The following PARD3B variants were observed in gnomAD, a reference collection of about 807,000 sequenced individuals.
The protein encoded by PARD3B is partitioning defective 3 homolog B.
PARD3B carries 103 observed loss-of-function variants against 130.2 expected under a neutral mutation model. The observed-to-expected ratio is 0.79, with a 90% confidence interval of 0.67 to 0.93. The LOEUF is 0.93. Among genes scored for constraint, PARD3B ranks in the 40% least tolerant of loss-of-function variants. The probability of loss-of-function intolerance (pLI) is 0.00; values close to 1 mark genes in which losing one functional copy is unlikely to be tolerated. For synonymous variants in PARD3B, 583 were observed against 553.2 expected, an observed-to-expected ratio of 1.05 and a Z score of -0.76; for missense variants, 1,609 against 1,499.2, an observed-to-expected ratio of 1.07 and a Z score of -1.21.
chr2:205,485,537 A>G (rs904378416), intron 20 of PARD3B, among the ~76,000 whole-genome samples: 1 of 152,162 alleles, frequency 6.6e-6, no homozygotes, highest in African/African-American at 2.4e-5. Context: ...AGTTCCTTCC[A>G]TAGGTTGTGA....
chr2:205,237,107 G>A (rs1170882500), intron 15 of PARD3B, among the ~76,000 whole-genome samples: 1 of 152,082 alleles, frequency 6.6e-6, no homozygotes, highest in African/African-American at 2.4e-5. Flanking sequence ...TTGTTTGTTT[G>A]TTTGTTTTTG....
At chr2:205,350,392 T>C (rs2043955020) in intron 18 of PARD3B, among the ~76,000 whole-genome samples, 1 of 152,208 alleles carries the variant, frequency 6.6e-6, no homozygotes, top group Admixed American at 6.5e-5. Flanking sequence ...CAAAGGCAAC[T>C]TTCTCCTCTG....
At chr2:204,920,499 G>T (rs1384504378) in intron 2 of PARD3B, among the ~76,000 whole-genome samples, 1 of 152,164 alleles carries the variant, frequency 6.6e-6, no homozygotes, top group Non-Finnish European at 1.5e-5. Context: ...TAGGAAAGAA[G>T]ATCTCAATTG....
chr2:204,927,802 A>G (rs528348059), intron 2 of PARD3B, among the ~76,000 whole-genome samples: 5 of 152,128 alleles, frequency 3.3e-5, no homozygotes, highest in African/African-American at 9.6e-5. Context: ...TTAGCAGAGC[A>G]TTTAGATAGA....
chr2:204,960,080 G>A (rs1690611043), intron 2 of PARD3B, among the ~76,000 whole-genome samples: 1 of 152,104 alleles, frequency 6.6e-6, no homozygotes, highest in Non-Finnish European at 1.5e-5. Context: ...AAATTTTCAC[G>A]ACTTTGAAAA....
intron 18 of PARD3B, among the ~76,000 whole-genome samples, chr2:205,304,054 A>G (rs991200647): frequency 3.3e-5 from 5 of 152,176 alleles, no homozygotes; most frequent in East Asian, 1.9e-4. Flanking sequence ...TTTATTACCA[A>G]TTGTTCTCAT....
At chr2:205,185,389 T>A (rs1208377088) in intron 13 of PARD3B, among the ~76,000 whole-genome samples, 1 of 152,148 alleles carries the variant, frequency 6.6e-6, no homozygotes, top group African/African-American at 2.4e-5. Flanking sequence ...TAATCCAGAG[T>A]ATTCACTATA....
At chr2:205,042,195 A>G (rs1698438906) in intron 3 of PARD3B, among the ~76,000 whole-genome samples, 1 of 152,168 alleles carries the variant, frequency 6.6e-6, no homozygotes, top group African/African-American at 2.4e-5. Flanking sequence ...TTTAAAGGGG[A>G]CATGGATCAG....
chr2:204,584,457 G>GA (rs2032730326), intron 1 of PARD3B, among the ~76,000 whole-genome samples: 1 of 152,194 alleles, frequency 6.6e-6, no homozygotes, highest in East Asian at 1.9e-4. Flanking sequence ...GCTCATTTCT[G>GA]AAAAATGCAT....
chr2:204,791,151 A>C (rs2042188827), intron 2 of PARD3B, among the ~76,000 whole-genome samples: 1 of 152,108 alleles, frequency 6.6e-6, no homozygotes, highest in Admixed American at 6.5e-5. Flanking sequence ...TCATGTTAGA[A>C]TCAGAGCAAG....
chr2:204,885,092 T>C (rs1313943086), intron 2 of PARD3B, among the ~76,000 whole-genome samples: 1 of 152,162 alleles, frequency 6.6e-6, no homozygotes, highest in Non-Finnish European at 1.5e-5. Context: ...TACACTCCCA[T>C]CAATGGCGTA....
chr2:205,458,965 G>T lies in PARD3B; in HGVS notation c.3044+18293G>T, dbSNP rs1000007648. Among the ~76,000 whole-genome samples the T allele has an allele frequency of 6.6e-6, 1 of 152,144 alleles. No individual in the cohort carries two copies. The highest frequency in any genetic ancestry group is 6.6e-5 in the Admixed American group (1 of 15,264). Reference sequence around the variant, plus strand: ...ATTAGTTTACTCTTACTCCTAGAGGGTAACCTTTCTGTGATTCTAACTGAG... The same window carrying T: ...ATTAGTTTACTCTTACTCCTAGAGGTTAACCTTTCTGTGATTCTAACTGAG... On this transcript the variant is annotated intron_variant, in intron 20 of 22. Transcript: ENST00000406610. The surrounding 1 kb of genome is among the most constrained non-coding windows in gnomAD (Gnocchi z 4.8).
Position 205,253,276 on chromosome 2 carries a change from A to G in PARD3B, c.2185+7454A>G. On this transcript the variant is annotated intron_variant, in intron 16 of 22. Transcript: ENST00000406610. This position sits in a 1 kb window ranked among gnomAD's most constrained non-coding sequence, Gnocchi z 4.4. ...TAGAGACAGGGTAGATAGACACTTA[A>G]GAGTAAAATGTATTAACACAAAGGC... 2 of 479,094 alleles carry G rather than the reference A, an allele frequency of 4.2e-6. No homozygotes were observed. The highest frequency in any genetic ancestry group is 8.4e-6 in the Non-Finnish European group (2 of 237,878). The allele number at this position is 479,094 out of a possible 1,614,324, so 29.7% of individuals were successfully genotyped here. A position where few individuals can be genotyped will look rare whatever the true frequency, so the allele number is the denominator to read the frequency against.
In PARD3B at chr2:205,178,146, A is replaced by T. The variant is rs1480417800; in HGVS notation, c.1924+1569A>T. ...CATGGCAAAATCCCATCTGTACTAA[A>T]AAAAAAAAAAAAAAAAAAAAAAAAA... On this transcript the variant is annotated intron_variant, in intron 13 of 22. Transcript: ENST00000406610. Among the ~76,000 whole-genome samples the T allele has an allele frequency of 5.8e-5, 5 of 85,956 alleles. No homozygotes were observed. In the East Asian group the frequency reaches 1.1e-3, roughly 19 times the overall value. 56.4% of individuals were successfully genotyped at this position (85,956 alleles called of 152,430 possible).
chr2:204,688,496 A>G (rs540455723), intron 2 of PARD3B, among the ~76,000 whole-genome samples: 29 of 150,888 alleles, frequency 1.9e-4, no homozygotes, highest in African/African-American at 7.1e-4. Flanking sequence ...ACGAGAATCA[A>G]TTCAACCCAG....
intron 1 of PARD3B, among the ~76,000 whole-genome samples, chr2:204,608,149 C>T (rs10084275): frequency 0.67 from 101,271 of 151,966 alleles, 35,671 homozygotes; most frequent in Middle Eastern, 0.78. Context: ...AGACAGGCAA[C>T]AGGGGGGAAT....
chr2:205,466,031 C>T (rs373069647), intron 20 of PARD3B, among the ~76,000 whole-genome samples: 16 of 152,232 alleles, frequency 1.1e-4, no homozygotes, highest in African/African-American at 3.4e-4. Flanking sequence ...GCGTTTCAAA[C>T]GGATGCATTC....
chr2:204,795,314 C>T (rs990963702), intron 2 of PARD3B, among the ~76,000 whole-genome samples: 1 of 152,136 alleles, frequency 6.6e-6, no homozygotes, highest in Non-Finnish European at 1.5e-5. Flanking sequence ...ATTCCTTCAC[C>T]ACTGCAAACA....
At chr2:205,212,223 T>G (rs2037681273) in intron 15 of PARD3B, among the ~76,000 whole-genome samples, 1 of 152,110 alleles carries the variant, frequency 6.6e-6, no homozygotes, top group African/African-American at 2.4e-5. Flanking sequence ...TTGGCGGTTT[T>G]AGTAGTGACT....
Sources: gnomAD v4.1 joint callset for allele counts (sites outside exome capture counted in the v4.1 genomes callset) on GRCh38, gnomAD v4.1.1 for gene constraint, Gnocchi (gnomAD v3.1) non-coding constraint, MANE v1.5 for transcripts, NCBI Gene and HGNC (gene_info 2026-07-23, HGNC 2026-07-21) for gene names.